Variants in TECR observed in about 807,000 individuals in gnomAD.
TECR encodes the protein trans-2,3-enoyl-CoA reductase.
A neutral mutation model predicts 50.6 loss-of-function variants in TECR; 19 were observed. The ratio of observed to expected loss-of-function variants is 0.38; its 90% CI spans 0.26 to 0.55. The LOEUF (loss-of-function observed/expected upper bound fraction) is 0.55, where lower values mean the gene tolerates loss of function less well. Ranked by LOEUF, TECR falls within the 20% of genes least tolerant of loss-of-function variation. The pLI is 0.79. For synonymous variants in TECR, 168 were observed against 163.5 expected (o/e 1.03, Z -0.21); for missense variants, 313 against 408.3 (o/e 0.77, Z 2.01).
chr19:14,535,584 ATATATG>A (rs1555729580), intron 1 of TECR, among the ~76,000 whole-genome samples: 12 of 38,598 alleles, frequency 3.1e-4, no homozygotes, highest in African/African-American at 1.0e-3. Context: ...ATATATATAT[ATATATG>A]TATGTATATA....
intron 1 of TECR, chr19:14,532,621 A>G (rs116383526): frequency 2.4e-4 from 37 of 152,008 alleles, no homozygotes; most frequent in African/African-American, 8.2e-4. Flanking sequence ...TTCTCTGCCA[A>G]CCTTTGCCAA....
chr19:14,528,274 C>G (rs2072478250), upstream of TECR, among the ~76,000 whole-genome samples: 1 of 144,656 alleles, frequency 6.9e-6, no homozygotes, highest in African/African-American at 2.6e-5. Flanking sequence ...TTGAGACGGT[C>G]TGTTGCTCAG....
In TECR at chr19:14,563,506, C is replaced by T; in HGVS notation, c.119-152C>T. 9.5e-7 allele frequency: 1 copy of T among 1,047,482 alleles called. No individual in the cohort carries two copies. The highest frequency in any genetic ancestry group is 1.4e-6 in the Non-Finnish European group (1 of 698,722). The allele number at this position is 1,047,482 out of a possible 1,614,324, so 64.9% of individuals were successfully genotyped here. A position where few individuals can be genotyped will look rare whatever the true frequency, so the allele number is the denominator to read the frequency against. ...TTCTGGCTTGTGTCCTGAAACCGCACAAGCCTGAGGGTTTGCCCCCAGGTG... is the reference window on the plus strand; with the variant it reads ...TTCTGGCTTGTGTCCTGAAACCGCATAAGCCTGAGGGTTTGCCCCCAGGTG... On this transcript the variant is annotated intron_variant, in intron 3 of 12. Transcript: ENST00000215567. This position sits in a 1 kb window ranked among gnomAD's most constrained non-coding sequence, Gnocchi z 5.3.
chr19:14,530,560 G>T (rs193025742), intron 1 of TECR: 1 of 152,206 alleles, frequency 6.6e-6, no homozygotes, highest in African/African-American at 2.4e-5. Flanking sequence ...CCTTGTATAA[G>T]AACTATTATT....
Position 14,563,730 on chromosome 19 carries a change from C to T in TECR, c.163+28C>T, listed in dbSNP as rs1445835968. ...GAGTACAGCTGTCCACTCGGCCCGC[C>T]CCCTGGGCTCCTGGGTGGCAGTGGG... is the stretch of plus-strand genomic sequence containing the variant. On this transcript the variant is annotated intron_variant, in intron 4 of 12. Coordinates refer to ENST00000215567, the MANE Select transcript of TECR (RefSeq NM_138501.6). This position sits in a 1 kb window ranked among gnomAD's most constrained non-coding sequence, Gnocchi z 5.3. 1 of 1,613,064 alleles carries T rather than the reference C, an allele frequency of 6.2e-7. No individual in the cohort carries two copies. The highest frequency in any genetic ancestry group is 1.7e-5 in the Admixed American group (1 of 59,982).
chr19:14,549,371 C>G (rs1458949240), intron 1 of TECR, among the ~76,000 whole-genome samples: 1 of 151,996 alleles, frequency 6.6e-6, no homozygotes, highest in African/African-American at 2.4e-5. Flanking sequence ...CGCCACCATG[C>G]CCAGCTAACT....
intron 1 of TECR, among the ~76,000 whole-genome samples, chr19:14,560,292 A>T (rs933725874): frequency 1.3e-5 from 2 of 152,118 alleles, no homozygotes; most frequent in South Asian, 4.1e-4. Context: ...TTGTATTTTA[A>T]GCTGTTGAGT....
intron 1 of TECR, among the ~76,000 whole-genome samples, chr19:14,546,039 C>T (rs2146589630): frequency 6.6e-6 from 1 of 152,236 alleles, no homozygotes; most frequent in Admixed American, 6.5e-5. Context: ...TCACGCCCGC[C>T]ATGCCACTGA....
In TECR at chr19:14,565,119, C is replaced by T. The variant is rs1477289902; in HGVS notation, c.660C>T (p.Pro220=). Residue 220 remains proline, a synonymous_variant, in exon 10 of 13, where the codon CCC becomes CCT. Coordinates refer to ENST00000215567, the MANE Select transcript of TECR (RefSeq NM_138501.6). Reference sequence around the variant, plus strand: ...ACATGGCCCTGCGGGACCTGCGGCCCGCTGGTGAGTGCCTGCTGGGGGCAG... The same window carrying T: ...ACATGGCCCTGCGGGACCTGCGGCCTGCTGGTGAGTGCCTGCTGGGGGCAG... ...SIHMALRDLR[P]AGSKTRKIPY... 5.0e-6 allele frequency: 8 copies of T among 1,613,686 alleles called. No homozygotes were observed. In the Admixed American group the frequency reaches 1.2e-4, roughly 24 times the overall value.
At chr19:14,561,587 AGT>A (rs1172353554) in intron 1 of TECR, among the ~76,000 whole-genome samples, 1 of 152,094 alleles carries the variant, frequency 6.6e-6, no homozygotes, top group East Asian at 1.9e-4. Flanking sequence ...GTGAGGGTGC[AGT>A]GTTTGGGCTG....
chr19:14,551,007 T>C (rs1420275010), intron 1 of TECR, among the ~76,000 whole-genome samples: 1 of 151,866 alleles, frequency 6.6e-6, no homozygotes, highest in Admixed American at 6.6e-5. Context: ...CTTTCTCTTA[T>C]TAAGTCCACC....
intron 1 of TECR, among the ~76,000 whole-genome samples, chr19:14,546,205 A>G (rs1380388755): frequency 1.3e-5 from 2 of 151,886 alleles, no homozygotes; most frequent in Admixed American, 6.6e-5. Flanking sequence ...CATTACAGAC[A>G]TTTCCGATCA....
At chr19:14,562,665 T>A in intron 2 of TECR, 90 bp downstream of exon 2, 9 of 1,425,144 alleles carry the variant, frequency 6.3e-6, no homozygotes, top group Non-Finnish European at 7.9e-6. Context: ...GTGGGGCCCT[T>A]TGTGCCCCAC....
Position 14,535,725 on chromosome 19 carries a change from C to T in TECR, c.15+6014C>T, listed in dbSNP as rs1397769992. 4.6e-5 allele frequency among the ~76,000 whole-genome samples: 6 copies of T among 130,534 alleles called. No homozygotes were observed. In the South Asian group the frequency reaches 7.7e-4, roughly 17 times the overall value. The allele number at this position is 130,534 out of a possible 152,430, so 85.6% of individuals were successfully genotyped here. A position where few individuals can be genotyped will look rare whatever the true frequency, so the allele number is the denominator to read the frequency against. On this transcript the variant is annotated intron_variant, in intron 1 of 12. Coordinates refer to ENST00000215567, the MANE Select transcript of TECR (RefSeq NM_138501.6). ...GAGCTGAGATCGCACCACTGCATTC[C>T]GGTCCTGGGCAACAGAGTGAGACTC...
chr19:14,531,583 C>G (rs1050308615), intron 1 of TECR: 1 of 151,994 alleles, frequency 6.6e-6, no homozygotes, highest in African/African-American at 2.4e-5. Flanking sequence ...CCACCATGCC[C>G]GGCTAATTTT....
At chr19:14,562,941 T>C (rs954231305) in intron 2 of TECR, among the ~76,000 whole-genome samples, 1 of 152,028 alleles carries the variant, frequency 6.6e-6, no homozygotes, top group South Asian at 2.1e-4. Context: ...AGAAGCAGGC[T>C]TGCCTTCCCA....
intron 1 of TECR, among the ~76,000 whole-genome samples, chr19:14,561,745 C>G (rs879561201): frequency 6.6e-6 from 1 of 152,200 alleles, no homozygotes; most frequent in African/African-American, 2.4e-5. Context: ...GAGAGAGGCT[C>G]TCTGCACCCA....
intron 1 of TECR, among the ~76,000 whole-genome samples, chr19:14,537,472 G>C (rs1267339993): frequency 6.6e-6 from 1 of 152,200 alleles, no homozygotes; most frequent in Non-Finnish European, 1.5e-5. Flanking sequence ...TGACAGCCTT[G>C]AGTGAGGGCG....
chr19:14,554,939 C>T (rs1294941186), intron 1 of TECR, among the ~76,000 whole-genome samples: 1 of 151,752 alleles, frequency 6.6e-6, no homozygotes, highest in Non-Finnish European at 1.5e-5. Flanking sequence ...CCACCATGCC[C>T]AGCTAATTTT....
Sources: gnomAD v4.1 joint callset for allele counts (sites outside exome capture counted in the v4.1 genomes callset) on GRCh38, gnomAD v4.1.1 for gene constraint, Gnocchi (gnomAD v3.1) non-coding constraint, MANE v1.5 for transcripts, NCBI Gene and HGNC (gene_info 2026-07-23, HGNC 2026-07-21) for gene names.